Variants in DDX19B observed in about 807,000 individuals in gnomAD.
DDX19B encodes ATP-dependent RNA helicase DDX19B.
In DDX19B, 27 loss-of-function variants were observed where a neutral mutation model predicts 58.1. That is an observed-to-expected ratio of 0.46 (90% CI 0.34 to 0.64). The LOEUF is 0.64. Ranked by LOEUF, DDX19B falls within the 30% of genes least tolerant of loss-of-function variation. DDX19B has a pLI of 0.01. For missense variants in DDX19B, 399 were observed against 596.5 expected (o/e 0.67, Z 3.45); for synonymous variants, 187 against 214.4 (o/e 0.87, Z 1.12).
At chr16:70,329,762 C>T in intron 8 of DDX19B, 69 bp from the exon 9 acceptor site, 1 of 1,596,662 alleles carries the variant, frequency 6.3e-7, no homozygotes, top group Non-Finnish European at 8.6e-7. Flanking sequence ...ACCCTCCCAG[C>T]TGGGAAGGCT....
chr16:70,317,647 T>C, intron 5 of DDX19B, 59 bp downstream of exon 5: 6 of 1,499,764 alleles, frequency 4.0e-6, no homozygotes, highest in Non-Finnish European at 4.6e-6. Context: ...AAAACTATTA[T>C]TATTTTCACA....
In DDX19B at chr16:70,315,950, G is replaced by C. The variant is rs370913054; in HGVS notation, c.161-19G>C. 1.7e-5 allele frequency: 27 copies of C among 1,607,128 alleles called. No homozygotes were observed. The African/African-American group carries it at 3.3e-4, about 20-fold the overall frequency. ...TTTCAAGGACTTTTTAAAATTCTTT[G>C]CTTTCTTTTTCCTGACAGAGGACAG... On this transcript the variant is annotated intron_variant, in intron 3 of 11. Coordinates refer to ENST00000288071, the MANE Select transcript of DDX19B (RefSeq NM_007242.7).
At chr16:70,320,371 GTTTTTT>G (rs778237372) in intron 5 of DDX19B, among the ~76,000 whole-genome samples, 1 of 126,902 alleles carries the variant, frequency 7.9e-6, no homozygotes, top group East Asian at 2.3e-4. Context: ...GCCTCCCCCA[GTTTTTT>G]TTTTTTTTTT....
intron 4 of DDX19B, among the ~76,000 whole-genome samples, chr16:70,316,871 G>A (rs1323068520): frequency 6.6e-6 from 1 of 151,994 alleles, no homozygotes; most frequent in Non-Finnish European, 1.5e-5. Flanking sequence ...AGGAGTTCAA[G>A]ACCAGCGTGG....
chr16:70,305,205 A>T (rs1961693987), intron 1 of DDX19B, among the ~76,000 whole-genome samples: 1 of 152,074 alleles, frequency 6.6e-6, no homozygotes, highest in Admixed American at 6.6e-5. Context: ...GTCTGGCCAG[A>T]TTTTGCAGAG....
At chr16:70,302,655 G>C (rs1961545163) in intron 1 of DDX19B, among the ~76,000 whole-genome samples, 1 of 152,118 alleles carries the variant, frequency 6.6e-6, no homozygotes, top group African/African-American at 2.4e-5. Context: ...ATGGACACTT[G>C]AGTAATTTTC....
At chr16:70,308,355 G>A (rs1961883434) in intron 1 of DDX19B, among the ~76,000 whole-genome samples, 1 of 152,060 alleles carries the variant, frequency 6.6e-6, no homozygotes, top group African/African-American at 2.4e-5. Flanking sequence ...CCAGGTTCAA[G>A]TGATTCTCCT....
At chr16:70,317,268 C>T in intron 4 of DDX19B, 1 of 290,402 alleles carries the variant, frequency 3.4e-6, no homozygotes, top group Non-Finnish European at 6.4e-6. Flanking sequence ...GTAATCCCAG[C>T]TATTCGCGAG....
chr16:70,329,349 T>A lies in DDX19B; in HGVS notation c.665T>A (p.Leu222Gln). The A allele has an allele frequency of 6.2e-7, 1 of 1,614,142 alleles. No individual in the cohort carries two copies. Among genetic ancestry groups the A allele is most frequent in the Non-Finnish European group, 8.5e-7 (1 of 1,180,020 alleles). ...GTCATTGGCACCCCTGGGACTGTGC[T>A]GGACTGGTGCTCCAAGCTCAAGTTC... The part of the protein sequence containing the change: ...QIVIGTPGTV[L>Q]DWCSKLKFID... The change falls in exon 8 of 12, where the codon CTG (leucine) becomes CAG (glutamine). Residue 222 changes from leucine (L) to glutamine (Q), a missense_variant. Coordinates refer to ENST00000288071, the MANE Select transcript of DDX19B (RefSeq NM_007242.7).
chr16:70,312,130 G>A (rs1422719838), intron 1 of DDX19B, among the ~76,000 whole-genome samples: 1 of 152,118 alleles, frequency 6.6e-6, no homozygotes, highest in African/African-American at 2.4e-5. Context: ...GCGAGCCACC[G>A]CACCTGGCTT....
chr16:70,326,136 T>G (rs1418969245), intron 7 of DDX19B, among the ~76,000 whole-genome samples: 1 of 152,202 alleles, frequency 6.6e-6, no homozygotes, highest in East Asian at 1.9e-4. Flanking sequence ...CTCTCCCTAT[T>G]ATATTTAACA....
At chr16:70,303,553 T>TTTTGTTTG (rs879731006) in intron 1 of DDX19B, among the ~76,000 whole-genome samples, 3 of 152,186 alleles carry the variant, frequency 2.0e-5, no homozygotes, top group Admixed American at 6.5e-5. Context: ...ATTTATCAAT[T>TTTTGTTTG]TTTGTTTGTT....
At chr16:70,324,294 T>C (rs1012479175) in intron 5 of DDX19B, among the ~76,000 whole-genome samples, 5 of 144,914 alleles carry the variant, frequency 3.5e-5, no homozygotes, top group Non-Finnish European at 7.4e-5. Context: ...GCCCAGGAGG[T>C]TGAGGCTGCA....
At chr16:70,316,642 C>A (rs1962433333) in intron 4 of DDX19B, among the ~76,000 whole-genome samples, 1 of 152,070 alleles carries the variant, frequency 6.6e-6, no homozygotes, top group African/African-American at 2.4e-5. Flanking sequence ...ATAGCGAGAC[C>A]AGACTCCATC....
At chr16:70,326,867 C>T (rs1963176979) in intron 7 of DDX19B, among the ~76,000 whole-genome samples, 2 of 151,216 alleles carry the variant, frequency 1.3e-5, no homozygotes, top group South Asian at 2.1e-4. Flanking sequence ...GAGAGTCTCG[C>T]CCTGTCGCCC....
chr16:70,305,379 C>T (rs1489809907), intron 1 of DDX19B, among the ~76,000 whole-genome samples: 1 of 152,132 alleles, frequency 6.6e-6, no homozygotes, highest in Non-Finnish European at 1.5e-5. Context: ...GGTCCTTATC[C>T]ATTTGAGCAT....
chr16:70,318,660 G>T (rs2152202408), intron 5 of DDX19B, among the ~76,000 whole-genome samples: 1 of 151,934 alleles, frequency 6.6e-6, no homozygotes, highest in Admixed American at 6.6e-5. Context: ...AGCTGGTGTG[G>T]TGGCAGGCGC....
chr16:70,299,016 C>A, upstream of DDX19B: 2 of 648,942 alleles, frequency 3.1e-6, no homozygotes, highest in Non-Finnish European at 4.4e-6. Context: ...TCCAAGTTAA[C>A]CAGAGCTTAG....
intron 1 of DDX19B, among the ~76,000 whole-genome samples, chr16:70,302,492 A>G (rs1251525818): frequency 6.6e-6 from 1 of 152,112 alleles, no homozygotes; most frequent in African/African-American, 2.4e-5. Context: ...TCATATATAT[A>G]ATATATAACC....
Sources: gnomAD v4.1 joint callset for allele counts (sites outside exome capture counted in the v4.1 genomes callset) on GRCh38, gnomAD v4.1.1 for gene constraint, MANE v1.5 for transcripts, NCBI Gene and HGNC (gene_info 2026-07-23, HGNC 2026-07-21) for gene names.